The following CALN1 variants were observed in gnomAD, a reference collection of about 807,000 sequenced individuals.
CALN1 encodes calcium-binding protein 8.
In CALN1, 17 loss-of-function variants were observed where a neutral mutation model predicts 30.6. The observed-to-expected ratio is 0.56, with a 90% CI of 0.38 to 0.83. The LOEUF is 0.83. Ranked by LOEUF, CALN1 falls within the 40% of genes least tolerant of loss-of-function variation. The probability of loss-of-function intolerance (pLI) is 0.00; values close to 1 mark genes in which losing one functional copy is unlikely to be tolerated. For missense variants in CALN1, 291 were observed against 354.9 expected (o/e 0.82, Z 1.45); for synonymous variants, 156 against 131.4 (o/e 1.19, Z -1.28).
At chr7:72,000,767 A>T (rs1181192499) in intron 5 of CALN1, among the ~76,000 whole-genome samples, 1 of 152,244 alleles carries the variant, frequency 6.6e-6, no homozygotes, top group Non-Finnish European at 1.5e-5. Flanking sequence ...ATCTCTCATG[A>T]ACTTAGATGT....
At chr7:72,489,047 C>A in the CALN1 span, among the ~76,000 whole-genome samples, 1 of 152,090 alleles carries the variant, frequency 6.6e-6, no homozygotes, top group East Asian at 1.9e-4. Context: ...TAAACTCAAT[C>A]CCCAGTTATG....
At chr7:72,100,526 A>T (rs1236665214) in intron 4 of CALN1, among the ~76,000 whole-genome samples, 1 of 152,122 alleles carries the variant, frequency 6.6e-6, no homozygotes, top group African/African-American at 2.4e-5. Context: ...CAATTATAAG[A>T]ATAACTTCTG....
intron 3 of CALN1, among the ~76,000 whole-genome samples, chr7:72,201,650 T>C (rs1026868894): frequency 1.3e-5 from 2 of 151,024 alleles, no homozygotes; most frequent in Non-Finnish European, 2.9e-5. Flanking sequence ...GCTCACTACC[T>C]GGGTGACAGA....
intron 2 of CALN1, among the ~76,000 whole-genome samples, chr7:72,364,076 A>AT (rs1803733316): frequency 6.6e-6 from 1 of 151,854 alleles, no homozygotes; most frequent in Non-Finnish European, 1.5e-5. Context: ...AAAAAAAAAA[A>AT]TACTTTACTA....
At chr7:72,072,687 T>C (rs570848489) in intron 4 of CALN1, among the ~76,000 whole-genome samples, 117 of 152,312 alleles carry the variant, frequency 7.7e-4, no homozygotes, top group African/African-American at 2.4e-3. Context: ...AGGTTAATAA[T>C]TTTTTAAAAG....
Position 71,810,471 on chromosome 7 carries a change from G to A in CALN1, c.523C>T (p.Leu175=). ...TAGAGAATGTGCTTCAACTCTTCCA[G>A]AGTTATCCTTTGCATGTCAAACTGT... ...FWQFDMQRIT[L]EELKHILYHA... is the part of the protein sequence containing the mutation. The change falls in exon 6 of 7, where the codon CTG becomes TTG. Residue 175 remains leucine, a synonymous_variant. Transcript: ENST00000395275. The A allele has an allele frequency of 1.9e-6, 3 of 1,614,010 alleles. No homozygotes were observed. The highest frequency in any genetic ancestry group is 2.5e-6 in the Non-Finnish European group (3 of 1,179,942).
At chr7:71,851,578 A>G (rs941438260) in intron 5 of CALN1, among the ~76,000 whole-genome samples, 1 of 151,960 alleles carries the variant, frequency 6.6e-6, no homozygotes, top group Non-Finnish European at 1.5e-5. Flanking sequence ...ACACATATAT[A>G]TATTCACTAA....
intron 3 of CALN1, among the ~76,000 whole-genome samples, chr7:72,221,312 C>CTTTTTTTT (rs1174615183): frequency 1.1e-5 from 1 of 88,966 alleles, no homozygotes; most frequent in African/African-American, 4.2e-5. Context: ...GTCTTGGCTT[C>CTTTTTTTT]TTTTTTTTTT....
rs759101499 is a variant in CALN1, at chr7:72,403,296, C to A, written c.74G>T (p.Gly25Val). ...EKKGDGGALGGGEEPPRSQAP... is the reference protein window; with the variant it reads ...EKKGDGGALGVGEEPPRSQAP... ...CTGGCTCCTCGGCGGCTCCTCTCCC[C>A]CTCCGAGGGCTCCTCCGTCCCCCTT... is the stretch of plus-strand genomic sequence containing the variant. The change falls in exon 2 of 7, where the codon GGG becomes GTG. Residue 25 changes from glycine (G) to valine (V), a missense_variant. Around this residue, in one of 2 missense-constraint regions of CALN1, gnomAD observed 122 missense variants for 103.2 expected, o/e 1.18. Transcript: ENST00000395275. The A allele has an allele frequency of 4.4e-5, 68 of 1,550,498 alleles. No individual in the cohort carries two copies. The highest frequency in any genetic ancestry group is 5.5e-5 in the Non-Finnish European group (63 of 1,147,048).
chr7:72,099,793 T>C (rs538860016), intron 4 of CALN1, among the ~76,000 whole-genome samples: 3 of 152,334 alleles, frequency 2.0e-5, no homozygotes, highest in African/African-American at 7.2e-5. Flanking sequence ...AATGTGCTTT[T>C]ACGTGATGGG....
upstream of CALN1, among the ~76,000 whole-genome samples, chr7:72,416,548 A>C (rs948164947): frequency 6.6e-6 from 1 of 152,124 alleles, no homozygotes; most frequent in South Asian, 2.1e-4. Flanking sequence ...CAGCCTGGCC[A>C]ACATGGTGAA....
At chr7:71,859,967 A>G (rs976899119) in intron 5 of CALN1, among the ~76,000 whole-genome samples, 8 of 152,188 alleles carry the variant, frequency 5.3e-5, no homozygotes, top group African/African-American at 1.9e-4. Flanking sequence ...TAATATCCCG[A>G]TATCTTGAGA....
intron 2 of CALN1, among the ~76,000 whole-genome samples, chr7:72,325,080 G>A (rs1410139834): frequency 2.0e-5 from 3 of 151,924 alleles, no homozygotes; most frequent in Admixed American, 6.6e-5. Context: ...CAGGAGAATT[G>A]CTTAAGGGCA....
intron 4 of CALN1, among the ~76,000 whole-genome samples, chr7:72,105,121 A>G (rs1477056932): frequency 6.6e-6 from 1 of 151,436 alleles, no homozygotes; most frequent in Non-Finnish European, 1.5e-5. Context: ...ACTAAAATCC[A>G]TTGTGGCGCT....
At chr7:72,030,527 AT>A (rs1438197249) in intron 4 of CALN1, among the ~76,000 whole-genome samples, 1 of 152,134 alleles carries the variant, frequency 6.6e-6, no homozygotes, top group Non-Finnish European at 1.5e-5. Flanking sequence ...AGTTATCAGC[AT>A]TGTACCCAGA....
chr7:72,344,321 G>A (rs1042770536), intron 2 of CALN1, among the ~76,000 whole-genome samples: 1 of 151,906 alleles, frequency 6.6e-6, no homozygotes, highest in Non-Finnish European at 1.5e-5. Context: ...TTCGTTTGGG[G>A]ATGAATTTTT....
intron 1 of CALN1, among the ~76,000 whole-genome samples, chr7:72,410,347 G>A (rs891706659): frequency 6.6e-6 from 1 of 152,096 alleles, no homozygotes; most frequent in East Asian, 1.9e-4. Context: ...GTATTCAAAA[G>A]CACAAAAAAG....
chr7:71,868,704 A>G (rs35490556), intron 5 of CALN1, among the ~76,000 whole-genome samples: 17,294 of 151,834 alleles, frequency 0.11, 1,441 homozygotes, highest in East Asian at 0.44. Context: ...TAAAGCATTC[A>G]TGAAGGGCCA....
At chr7:72,349,128 T>C (rs555755671) in intron 2 of CALN1, among the ~76,000 whole-genome samples, 1 of 152,026 alleles carries the variant, frequency 6.6e-6, no homozygotes, top group Non-Finnish European at 1.5e-5. Flanking sequence ...AATAAGTGAG[T>C]TTGAAAAAAT....
Sources: gnomAD v4.1 joint callset for allele counts (sites outside exome capture counted in the v4.1 genomes callset) on GRCh38, gnomAD v4.1.1 for gene constraint, gnomAD v4.1.1 regional missense constraint, MANE v1.5 for transcripts, NCBI Gene and HGNC (gene_info 2026-07-23, HGNC 2026-07-21) for gene names.